LRFN5: variants seen among roughly 807,000 people sequenced by gnomAD.
LRFN5 encodes leucine rich repeat and fibronectin type III domain containing 5.
A neutral mutation model predicts 45.6 loss-of-function variants in LRFN5; 24 were observed. The ratio of observed to expected loss-of-function variants is 0.53; its 90% CI spans 0.38 to 0.74. The LOEUF is 0.74. LRFN5 is among the 30% of genes least tolerant of loss of function. The pLI, the probability that LRFN5 is intolerant of heterozygous loss-of-function variation, is 0.00. For synonymous variants in LRFN5, 340 were observed against 313.8 expected (o/e 1.08, Z -0.88); for missense variants, 776 against 861.5 (o/e 0.90, Z 1.24).
At chr14:41,789,876 A>G (rs567233161) in intron 2 of LRFN5, among the ~76,000 whole-genome samples, 7 of 149,934 alleles carry the variant, frequency 4.7e-5, no homozygotes, top group Non-Finnish European at 5.9e-5. Flanking sequence ...TAATATTTTC[A>G]TAAACAATTT....
chr14:41,703,619 C>G (rs1219173696), intron 1 of LRFN5, among the ~76,000 whole-genome samples: 1 of 151,818 alleles, frequency 6.6e-6, no homozygotes, highest in East Asian at 1.9e-4. Flanking sequence ...AGTTTTTGCT[C>G]CTTGTTTTCT....
intron 1 of LRFN5, among the ~76,000 whole-genome samples, chr14:41,749,917 T>A (rs1019781275): frequency 6.6e-6 from 1 of 152,170 alleles, no homozygotes; most frequent in Non-Finnish European, 1.5e-5. Flanking sequence ...TTACTGATGT[T>A]AGACAACTAG....
At chr14:41,730,555 C>T (rs1431557566) in intron 1 of LRFN5, among the ~76,000 whole-genome samples, 10 of 151,756 alleles carry the variant, frequency 6.6e-5, no homozygotes, top group Admixed American at 5.9e-4. Flanking sequence ...TGAGTGTGAA[C>T]TTGATGTTTA....
At chr14:41,872,775 T>C (rs1475558840) in intron 2 of LRFN5, among the ~76,000 whole-genome samples, 1 of 152,188 alleles carries the variant, frequency 6.6e-6, no homozygotes, top group Non-Finnish European at 1.5e-5. Context: ...ACAAACATTC[T>C]GGGCAATGCA....
intron 1 of LRFN5, among the ~76,000 whole-genome samples, chr14:41,633,693 T>A (rs865825082): frequency 6.6e-6 from 1 of 152,192 alleles, no homozygotes; most frequent in East Asian, 1.9e-4. Context: ...ATTACATTTT[T>A]AAAAACATCA....
chr14:41,877,285 C>T (rs535460962), intron 2 of LRFN5, among the ~76,000 whole-genome samples: 4 of 152,204 alleles, frequency 2.6e-5, no homozygotes, highest in South Asian at 2.1e-4. Flanking sequence ...CCTGGGATTA[C>T]GGGTGCAGAA....
At chr14:41,811,225 A>C (rs144888391) in intron 2 of LRFN5, among the ~76,000 whole-genome samples, 49 of 152,210 alleles carry the variant, frequency 3.2e-4, no homozygotes, top group South Asian at 6.2e-4. Flanking sequence ...ATAAAATAGC[A>C]TTTCTCATCC....
At chr14:41,858,167 A>G (rs1889537059) in intron 2 of LRFN5, among the ~76,000 whole-genome samples, 1 of 152,120 alleles carries the variant, frequency 6.6e-6, no homozygotes, top group Non-Finnish European at 1.5e-5. Flanking sequence ...CAAAAGGCAA[A>G]TTAATACACA....
chr14:41,836,054 T>G (rs935459762), intron 2 of LRFN5, among the ~76,000 whole-genome samples: 2 of 152,086 alleles, frequency 1.3e-5, no homozygotes, highest in African/African-American at 2.4e-5. Flanking sequence ...AGAAATTATA[T>G]GATCTTCCAC....
chr14:41,777,326 A>T (rs773802737), intron 2 of LRFN5, among the ~76,000 whole-genome samples: 3 of 151,654 alleles, frequency 2.0e-5, no homozygotes, highest in Non-Finnish European at 4.4e-5. Flanking sequence ...TACTCTATCA[A>T]TGTTCTTTTT....
chr14:41,686,441 A>G (rs966605480), intron 1 of LRFN5, among the ~76,000 whole-genome samples: 11 of 151,910 alleles, frequency 7.2e-5, no homozygotes, highest in African/African-American at 9.7e-5. Context: ...CTCTATTCCT[A>G]TTTGAATACC....
intron 2 of LRFN5, among the ~76,000 whole-genome samples, chr14:41,819,867 A>G (rs2139010169): frequency 6.6e-6 from 1 of 152,188 alleles, no homozygotes; most frequent in African/African-American, 2.4e-5. Flanking sequence ...CATATCTGAA[A>G]CATATCAACT....
At position 41,622,627 on chromosome 14, in the gene LRFN5, T is replaced by C. The variant is rs118042751; in HGVS notation, c.-197+14065T>C. Among the ~76,000 whole-genome samples the C allele has an allele frequency of 2.1e-3, 320 of 152,272 alleles. 3 individuals are homozygous for C. The East Asian group carries it at 0.051, about 24-fold the overall frequency. On this transcript the variant is annotated intron_variant, in intron 1 of 5. Transcript: ENST00000298119. The stretch of plus-strand genomic sequence containing the variant: ...CTACAAGGTTGTGGAAATATAATCA[T>C]CTTTCCTTCATTTTAAAATGAAATA...
At chr14:41,844,389 AT>A (rs1212500416) in intron 2 of LRFN5, among the ~76,000 whole-genome samples, 11 of 150,792 alleles carry the variant, frequency 7.3e-5, no homozygotes, top group Non-Finnish European at 2.9e-5. Context: ...GTGAGCGGAG[AT>A]CTTGCCACCA....
At chr14:41,676,399 G>T (rs2138674925) in intron 1 of LRFN5, among the ~76,000 whole-genome samples, 1 of 152,342 alleles carries the variant, frequency 6.6e-6, no homozygotes, top group African/African-American at 2.4e-5. Flanking sequence ...ACTGTTGAAG[G>T]ATTTGACTTT....
intron 1 of LRFN5, among the ~76,000 whole-genome samples, chr14:41,760,810 A>T (rs1885629022): frequency 6.6e-6 from 1 of 152,054 alleles, no homozygotes; most frequent in African/African-American, 2.4e-5. Context: ...GATATAAAGG[A>T]TCTACATAAG....
intron 2 of LRFN5, among the ~76,000 whole-genome samples, chr14:41,781,560 G>GA (rs1886489164): frequency 7.3e-5 from 1 of 13,742 alleles, no homozygotes; most frequent in African/African-American, 4.5e-4. Flanking sequence ...AAAAGAAAGA[G>GA]AAAGAAAGAA....
intron 2 of LRFN5, among the ~76,000 whole-genome samples, chr14:41,793,799 T>C (rs1468108259): frequency 6.6e-6 from 1 of 152,100 alleles, no homozygotes; most frequent in Non-Finnish European, 1.5e-5. Flanking sequence ...ATTAACTACT[T>C]TCTAGCCAGA....
intron 2 of LRFN5, among the ~76,000 whole-genome samples, chr14:41,873,419 CAGAGAGAGAGAGAGAG>C (rs10558865): frequency 2.7e-5 from 4 of 146,506 alleles, no homozygotes; most frequent in Non-Finnish European, 4.5e-5. Flanking sequence ...GAGAGAGAGA[CAGAGAGAGAGAGAGAG>C]AGAGAGAGAG....
Sources: allele counts gnomAD v4.1 joint callset (sites outside exome capture counted in the v4.1 genomes callset), GRCh38; gene constraint gnomAD v4.1.1; transcripts MANE v1.5; gene names NCBI Gene and HGNC (gene_info 2026-07-23, HGNC 2026-07-21).